NSUN5: variants seen among roughly 807,000 people sequenced by gnomAD.
NSUN5 encodes the protein 28S rRNA (cytosine-C(5))-methyltransferase.
A neutral mutation model predicts 51.1 loss-of-function variants in NSUN5; 39 were observed. That is an observed-to-expected ratio of 0.76 (90% CI 0.59 to 1.00). The LOEUF (loss-of-function observed/expected upper bound fraction) is 1.00. NSUN5 is among the 50% of genes least tolerant of loss of function. The pLI is 0.00. For missense variants in NSUN5, 526 were observed against 614.0 expected (o/e 0.86, Z 1.51); for synonymous variants, 266 against 271.5 (o/e 0.98, Z 0.20).
intron 4 of NSUN5, among the ~76,000 whole-genome samples, chr7:73,306,378 C>T (rs1804039140): frequency 8.2e-6 from 1 of 122,410 alleles, no homozygotes; most frequent in Non-Finnish European, 1.7e-5. Flanking sequence ...GAGCAAAACC[C>T]TTGTCTCAAA....
At position 73,303,689 on chromosome 7, in the gene NSUN5, C is replaced by A; in HGVS notation, c.1197G>T (p.Pro399=). 1 of 1,614,142 alleles carries A rather than the reference C, an allele frequency of 6.2e-7. No individual in the cohort carries two copies. Among genetic ancestry groups the A allele is most frequent in the Non-Finnish European group, 8.5e-7 (1 of 1,180,026 alleles). ...AWPHRGLSTF[P]GAEHCLRASP... ...AGGCCCGGAGGCAGTGCTCGGCACC[C>A]GGGAACGTGCTCAGGCCTCGGTGGG... Residue 399 remains proline (P), a synonymous_variant, in exon 9 of 10, where the codon CCG becomes CCT. Coordinates refer to ENST00000438747, the MANE Select transcript of NSUN5 (RefSeq NM_148956.4).
rs781933682 is a variant in NSUN5 at position 73,305,035 on chromosome 7, A to G, written c.563T>C (p.Leu188Pro). The G allele has an allele frequency of 1.2e-6, 2 of 1,610,888 alleles. No homozygotes were observed. Among genetic ancestry groups the G allele is most frequent in the Non-Finnish European group, 1.7e-6 (2 of 1,177,654 alleles). ...HFLLDPLMPE[L>P]LVFPAQTDLH... ...ATCTGTCTGGGCGGGAAACACCAGC[A>G]GCTCCGGCATCAAGGGGTCCAGGAG... The change falls in exon 5 of 10, where the codon CTG (leucine) becomes CCG (proline). Residue 188 changes from leucine to proline, a missense_variant. Physicochemically the swap from Leu to Pro is moderately conservative, Grantham distance 98 (BLOSUM62 -3). Coordinates refer to ENST00000438747, the MANE Select transcript of NSUN5 (RefSeq NM_148956.4).
In NSUN5 at chr7:73,308,519, G is replaced by C. The variant is rs200274985; in HGVS notation, c.128C>G (p.Thr43Arg). ...VKQLYALVCE[T>R]QRYSAVLDAV... ...ATCCAGCACGGCGGAGTAGCGCTGC[G>C]TTTCGCACACCAGCGCGTACAGCTG... The change falls in exon 2 of 10, where the codon ACG (threonine) becomes AGG (arginine). Residue 43 changes from threonine (T) to arginine (R), a missense_variant. Physicochemically the swap from Thr to Arg is moderately conservative, Grantham distance 71 (BLOSUM62 -1). Coordinates refer to ENST00000438747, the MANE Select transcript of NSUN5 (RefSeq NM_148956.4). 6.2e-7 allele frequency: 1 copy of C among 1,603,670 alleles called. No homozygotes were observed. The highest frequency in any genetic ancestry group is 8.5e-7 in the Non-Finnish European group (1 of 1,172,936).
In NSUN5 at chr7:73,303,359, C is replaced by T. The variant is rs782501107; in HGVS notation, c.*56G>A. ...TGCGGTGAGGGCCCAGGGTCCTCCA[C>T]GGAGAGGACAGGCATCTTCCTTTCC... is the stretch of plus-strand genomic sequence containing the variant. On this transcript the variant is annotated 3_prime_UTR_variant, in exon 10 of 10. Coordinates refer to ENST00000438747, the MANE Select transcript of NSUN5 (RefSeq NM_148956.4). 2.0e-5 allele frequency: 32 copies of T among 1,613,880 alleles called. No individual in the cohort carries two copies. Among genetic ancestry groups the T allele is most frequent in the East Asian group, 4.5e-5 (2 of 44,898 alleles).
In NSUN5 at chr7:73,303,616, G is replaced by A. The variant is rs782461246; in HGVS notation, c.1270C>T (p.Arg424Trp). ...SSGFFVAVIERVEVPSSASQA... is the reference protein window; with the variant it reads ...SSGFFVAVIEWVEVPSSASQA... ...CTCACTCACCTTGGCACCTCGACCC[G>A]TTCAATTACAGCAACGAAGAAGCCA... The change falls in exon 9 of 10, where the codon CGG becomes TGG. Residue 424 changes from arginine to tryptophan, a missense_variant. Arg to Trp is a moderately radical substitution (Grantham distance 101, BLOSUM62 -3). Coordinates refer to ENST00000438747, the MANE Select transcript of NSUN5 (RefSeq NM_148956.4). 15 of 1,614,150 alleles carry A rather than the reference G, an allele frequency of 9.3e-6. No homozygotes were observed. Among genetic ancestry groups the A allele is most frequent in the Non-Finnish European group, 1.1e-5 (13 of 1,180,036 alleles).
In NSUN5 at chr7:73,303,253, T is replaced by C. The variant is rs3177250; in HGVS notation, c.*162A>G. ...GTAGAGTACGTTCTGCATTTTATTT[T>C]TGCAGGCAACACTTTGCTCACCAGC... On this transcript the variant is annotated 3_prime_UTR_variant, in exon 10 of 10. Coordinates refer to ENST00000438747, the MANE Select transcript of NSUN5 (RefSeq NM_148956.4). 7.8e-5 allele frequency: 124 copies of C among 1,597,300 alleles called. 1 individual carries two copies. The Middle Eastern group carries it at 1.2e-3, about 15-fold the overall frequency.
chr7:73,306,283 C>A (rs1449910190), intron 4 of NSUN5, among the ~76,000 whole-genome samples: 4 of 146,108 alleles, frequency 2.7e-5, no homozygotes, highest in Non-Finnish European at 6.0e-5. Context: ...ACTCAGGAGG[C>A]TGAGGCAGGA....
In NSUN5 at chr7:73,304,337, A is replaced by G. The variant is rs1475896821; in HGVS notation, c.827T>C (p.Val276Ala). ...CTCCTCAGCCAGTTCACAGCAAGAG[A>G]CGCCAGCCCGGGCCAGCAGCGTGGC... ...SMATLLARAG[V>A]SCCELAEEDF... The change falls in exon 7 of 10, where the codon GTC becomes GCC. Residue 276 changes from valine (V) to alanine (A), a missense_variant. By Grantham distance (64) the Val-to-Ala change is moderately conservative. Transcript: ENST00000438747. 10 of 1,614,000 alleles carry G rather than the reference A, an allele frequency of 6.2e-6. No homozygotes were observed. Among genetic ancestry groups the G allele is most frequent in the Admixed American group, 1.7e-5 (1 of 59,982 alleles).
chr7:73,307,842 G>A (rs1804109777), intron 2 of NSUN5, 85 bp from the exon 3 acceptor site: 4 of 1,238,704 alleles, frequency 3.2e-6, no homozygotes, highest in African/African-American at 1.5e-5. Flanking sequence ...ATGGAGCCCC[G>A]GCAATGGAAT....
chr7:73,307,327 G>A, intron 4 of NSUN5, 67 bp downstream of exon 4: 2 of 1,150,508 alleles, frequency 1.7e-6, no homozygotes, highest in South Asian at 1.3e-5. Context: ...CAACTATCCA[G>A]CCACTTCTCT....
chr7:73,304,327 A>T lies in NSUN5; in HGVS notation c.837T>A (p.Cys279Ter). The T allele has an allele frequency of 6.2e-7, 1 of 1,614,194 alleles. No individual in the cohort carries two copies. The highest frequency in any genetic ancestry group is 8.5e-7 in the Non-Finnish European group (1 of 1,180,044). The change falls in exon 7 of 10, where the codon TGT (cysteine) becomes TGA (stop). Residue 279 changes from cysteine (C) to a stop codon, truncating the protein, a stop_gained. Transcript: ENST00000438747. LOFTEE classifies it high-confidence loss of function. The stretch of plus-strand genomic sequence containing the variant: ...CCAGGAAGTCCTCCTCAGCCAGTTC[A>T]CAGCAAGAGACGCCAGCCCGGGCCA... ...TLLARAGVSC[C>*]ELAEEDFLAV... is the part of the protein sequence containing the mutation.
chr7:73,303,063 G>T lies in NSUN5; in HGVS notation c.*352C>A. ...GCCGGTCCGGGAACCCTGAGTGAGT[G>T]TGAGTGTGGATGTGTACAGTACACG... On this transcript the variant is annotated 3_prime_UTR_variant, in exon 10 of 10. Transcript: ENST00000438747. 2 of 1,363,370 alleles carry T rather than the reference G, an allele frequency of 1.5e-6. No homozygotes were observed. The highest frequency in any genetic ancestry group is 2.9e-5 in the African/African-American group (2 of 68,504). 84.5% of individuals were successfully genotyped at this position (1,363,370 alleles called of 1,614,324 possible).
At position 73,307,643 on chromosome 7, in the gene NSUN5, C is replaced by A; in HGVS notation, c.331G>T (p.Val111Phe). 6.2e-7 allele frequency: 1 copy of A among 1,611,358 alleles called. No individual in the cohort carries two copies. Among genetic ancestry groups the A allele is most frequent in the Non-Finnish European group, 8.5e-7 (1 of 1,179,650 alleles). ...RLKAELARLKVHRGVSRNEDL... is the reference protein window; with the variant it reads ...RLKAELARLKFHRGVSRNEDL... ...TCATTCCGGCTCACACCCCGATGAA[C>A]CTTGAGCCGAGCCAACTCAGCCTTG... is the stretch of plus-strand genomic sequence containing the variant. The change falls in exon 3 of 10, where the codon GTT becomes TTT. Residue 111 changes from valine to phenylalanine, a missense_variant. Physicochemically the swap from Val to Phe is conservative, Grantham distance 50 (BLOSUM62 -1). Coordinates refer to ENST00000438747, the MANE Select transcript of NSUN5 (RefSeq NM_148956.4).
chr7:73,304,961 T>C lies in NSUN5; in HGVS notation c.637A>G (p.Arg213Gly). The C allele has an allele frequency of 6.2e-7, 1 of 1,611,678 alleles. No individual in the cohort carries two copies. Among genetic ancestry groups the C allele is most frequent in the Non-Finnish European group, 8.5e-7 (1 of 1,178,030 alleles). Residue 213 changes from arginine to glycine, a missense_variant and splice_region_variant, in exon 5 of 10, where the codon AGG (arginine) becomes GGG (glycine). Transcript: ENST00000438747. ...YRAGHLILQD[R>G]ASCLPAMLLD... ...CCTTTTCTATTCCTCTTGCCTACCC[T>C]GTCCTGCAGAATGAGGTGTCCGGCC...
At position 73,304,997 on chromosome 7, in the gene NSUN5, G is replaced by A. The variant is rs1803978864; in HGVS notation, c.601C>T (p.Pro201Ser). Residue 201 changes from proline (P) to serine (S), a missense_variant, in exon 5 of 10, where the codon CCA (proline) becomes TCA (serine). Coordinates refer to ENST00000438747, the MANE Select transcript of NSUN5 (RefSeq NM_148956.4). ...FPAQTDLHEH[P>S]LYRAGHLILQ... ...ATGAGGTGTCCGGCCCGGTACAGTG[G>A]GTGTTCATGCAGATCTGTCTGGGCG... 1 of 1,611,434 alleles carries A rather than the reference G, an allele frequency of 6.2e-7. No homozygotes were observed. The highest frequency in any genetic ancestry group is 1.3e-5 in the African/African-American group (1 of 74,834).
rs1183083183 is a variant in NSUN5, at chr7:73,308,518, C to A, written c.129G>T (p.Thr43=). 2.7e-5 allele frequency: 43 copies of A among 1,603,546 alleles called. No individual in the cohort carries two copies. Among genetic ancestry groups the A allele is most frequent in the Non-Finnish European group, 3.6e-5 (42 of 1,172,946 alleles). The stretch of plus-strand genomic sequence containing the variant: ...CATCCAGCACGGCGGAGTAGCGCTG[C>A]GTTTCGCACACCAGCGCGTACAGCT... ...VKQLYALVCE[T]QRYSAVLDAV... The change falls in exon 2 of 10, where the codon ACG becomes ACT. Residue 43 remains threonine (T), a synonymous_variant. Transcript: ENST00000438747.
Position 73,307,761 on chromosome 7 carries a change from G to A in NSUN5, c.217-4C>T, listed in dbSNP as rs2115674881. The A allele has an allele frequency of 6.5e-7, 1 of 1,540,866 alleles. No homozygotes were observed. The highest frequency in any genetic ancestry group is 8.8e-7 in the Non-Finnish European group (1 of 1,140,822). On this transcript the variant is annotated splice_polypyrimidine_tract_variant and splice_region_variant and intron_variant, in intron 2 of 9. Transcript: ENST00000438747. ...ACAACAACTCATACACTAGCACCTG[G>A]GAATGAGGGAACAAAGACAAAAACA...
At position 73,304,730 on chromosome 7, in the gene NSUN5, C is replaced by T. The variant is rs1232167400; in HGVS notation, c.755+17G>A. The T allele has an allele frequency of 1.9e-6, 3 of 1,571,384 alleles. No individual in the cohort carries two copies. Among genetic ancestry groups the T allele is most frequent in the Non-Finnish European group, 2.6e-6 (3 of 1,141,312 alleles). ...GAATCAAACCCCATGTCCTCCTCCTCCTCCTGTGGCACTCACCCTTGGTTC... is the reference window on the plus strand; with the variant it reads ...GAATCAAACCCCATGTCCTCCTCCTTCTCCTGTGGCACTCACCCTTGGTTC... On this transcript the variant is annotated intron_variant, in intron 6 of 9. Coordinates refer to ENST00000438747, the MANE Select transcript of NSUN5 (RefSeq NM_148956.4).
At chr7:73,308,296 C>T (rs1221546222) in intron 2 of NSUN5, 135 bp downstream of exon 2, 2 of 1,117,214 alleles carry the variant, frequency 1.8e-6, no homozygotes, top group African/African-American at 3.1e-5. Context: ...AATTCGTAAC[C>T]CAGGGAAGGT....
Sources: allele counts gnomAD v4.1 joint callset (sites outside exome capture counted in the v4.1 genomes callset), GRCh38; gene constraint gnomAD v4.1.1; transcripts MANE v1.5; gene names NCBI Gene and HGNC (gene_info 2026-07-23, HGNC 2026-07-21).